The following AKAP13 variants were observed in gnomAD, a reference collection of about 807,000 sequenced individuals.
AKAP13 encodes the protein A-kinase anchoring protein 13, also known as A-kinase anchor protein 13.
AKAP13 carries 80 observed loss-of-function variants against 264.5 expected under a neutral mutation model. That is an observed-to-expected ratio of 0.30 (90% CI 0.25 to 0.36). The LOEUF (loss-of-function observed/expected upper bound fraction) is 0.36, where lower values mean the gene tolerates loss of function less well. Ranked by LOEUF, AKAP13 falls within the 10% of genes least tolerant of loss-of-function variation. The probability of loss-of-function intolerance (pLI) is 1.00; values close to 1 mark genes in which losing one functional copy is unlikely to be tolerated. For missense variants in AKAP13, 3,712 were observed against 3,435.2 expected (o/e 1.08, Z -2.01); for synonymous variants, 1,380 against 1,250.2 (o/e 1.10, Z -2.19).
chr15:85,468,120 T>C lies in AKAP13; in HGVS notation c.-11-17590T>C, dbSNP rs149159953. 1.2e-4 allele frequency among the ~76,000 whole-genome samples: 18 copies of C among 152,340 alleles called. No individual in the cohort carries two copies. The East Asian group carries it at 3.3e-3, about 28-fold the overall frequency. On this transcript the variant is annotated intron_variant, in intron 1 of 36. Coordinates refer to ENST00000394518, the MANE Select transcript of AKAP13 (RefSeq NM_007200.5). The stretch of plus-strand genomic sequence containing the variant: ...AGACTATGTTGGAAAAGCATTCTTA[T>C]ATTTCTCAGGGTAAAGGAACTTTTG...
intron 25 of AKAP13, 116 bp downstream of exon 25, chr15:85,722,463 C>G (rs1164388143): frequency 1.2e-6 from 1 of 851,068 alleles, no homozygotes; most frequent in South Asian, 2.4e-5. Flanking sequence ...TAAAAGAGAC[C>G]TTGTGTTTTA....
intron 2 of AKAP13, among the ~76,000 whole-genome samples, chr15:85,511,882 T>C (rs1360190778): frequency 6.6e-6 from 1 of 152,184 alleles, no homozygotes; most frequent in Non-Finnish European, 1.5e-5. Flanking sequence ...ACTTTTAACT[T>C]TCTCACATTG....
chr15:85,479,628 A>C (rs774751574), intron 1 of AKAP13, among the ~76,000 whole-genome samples: 1 of 152,028 alleles, frequency 6.6e-6, no homozygotes, highest in Non-Finnish European at 1.5e-5. Flanking sequence ...AGTGACAAAA[A>C]CCCTGTCAAT....
At chr15:85,437,201 A>G (rs1422823674) in intron 1 of AKAP13, among the ~76,000 whole-genome samples, 1 of 149,126 alleles carries the variant, frequency 6.7e-6, no homozygotes, top group Non-Finnish European at 1.5e-5. Context: ...CCTCTACGCA[A>G]ATAAACTAGA....
At chr15:85,410,558 A>G (rs1031989797) in intron 1 of AKAP13, among the ~76,000 whole-genome samples, 2 of 151,512 alleles carry the variant, frequency 1.3e-5, no homozygotes, top group African/African-American at 4.9e-5. Context: ...GGTCATTAGT[A>G]TATTGGCAGT....
At chr15:85,419,254 C>T (rs1203257911) in intron 1 of AKAP13, among the ~76,000 whole-genome samples, 1 of 152,188 alleles carries the variant, frequency 6.6e-6, no homozygotes. Flanking sequence ...ATGCGTGGTT[C>T]TGAGAGATTT....
intron 8 of AKAP13, chr15:85,635,174 T>C: frequency 2.5e-6 from 1 of 398,070 alleles, no homozygotes; most frequent in Non-Finnish European, 4.4e-6. Context: ...CTATTTTGCT[T>C]TCTTTCAGCA....
intron 8 of AKAP13, among the ~76,000 whole-genome samples, chr15:85,618,453 T>TG (rs2081036758): frequency 4.9e-5 from 1 of 20,258 alleles, no homozygotes; most frequent in Admixed American, 4.7e-4. Context: ...AGAGAAATCC[T>TG]TTTTTTTTTT....
intron 2 of AKAP13, among the ~76,000 whole-genome samples, chr15:85,489,261 CTGAG>C (rs2151067009): frequency 6.6e-6 from 1 of 152,296 alleles, no homozygotes; most frequent in South Asian, 2.1e-4. Flanking sequence ...CAGCTCAGTT[CTGAG>C]TAACATAGTT....
intron 5 of AKAP13, among the ~76,000 whole-genome samples, chr15:85,550,768 C>A (rs529863381): frequency 2.6e-5 from 4 of 152,162 alleles, no homozygotes; most frequent in Non-Finnish European, 4.4e-5. Flanking sequence ...TGGCCAAATT[C>A]CCATTCATCA....
At chr15:85,411,651 G>T (rs571082268) in intron 1 of AKAP13, among the ~76,000 whole-genome samples, 2 of 152,204 alleles carry the variant, frequency 1.3e-5, no homozygotes, top group East Asian at 3.9e-4. Context: ...GTTACCCAGG[G>T]TGGTCTCGAT....
chr15:85,705,798 C>G (rs1341104149), intron 17 of AKAP13, among the ~76,000 whole-genome samples: 1 of 136,168 alleles, frequency 7.3e-6, no homozygotes, highest in Admixed American at 7.1e-5. Context: ...TTCCCTGCCC[C>G]ATGCATCTTC....
chr15:85,383,217 C>A (rs1179802514), intron 1 of AKAP13, among the ~76,000 whole-genome samples: 1 of 151,924 alleles, frequency 6.6e-6, no homozygotes, highest in Non-Finnish European at 1.5e-5. Context: ...AATTGTTGGA[C>A]AAATCTAGTC....
chr15:85,714,678 C>A (rs1400671143), intron 19 of AKAP13, among the ~76,000 whole-genome samples: 1 of 152,132 alleles, frequency 6.6e-6, no homozygotes, highest in Non-Finnish European at 1.5e-5. Flanking sequence ...AAAATTCTTT[C>A]AATCTTGGGG....
chr15:85,741,026 C>A lies in AKAP13; in HGVS notation c.7609-20C>A, dbSNP rs201661130. 3.8e-6 allele frequency: 6 copies of A among 1,587,400 alleles called. No individual in the cohort carries two copies. The African/African-American group carries it at 4.0e-5, about 11-fold the overall frequency. On this transcript the variant is annotated intron_variant, in intron 34 of 36. Transcript: ENST00000394518. The stretch of plus-strand genomic sequence containing the variant: ...TCGTCCTGGCCAGAGTTGCAGGGCT[C>A]CCCTCTGTGTGCCTCCCAGGGTGTG...
chr15:85,708,172 G>T lies in AKAP13; in HGVS notation c.5532+86G>T. The T allele has an allele frequency of 7.8e-7, 1 of 1,283,890 alleles. No individual in the cohort carries two copies. The allele number at this position is 1,283,890 out of a possible 1,614,324, so 79.5% of individuals were successfully genotyped here. On this transcript the variant is annotated intron_variant, in intron 18 of 36. Coordinates refer to ENST00000394518, the MANE Select transcript of AKAP13 (RefSeq NM_007200.5). The surrounding 1 kb of genome is among the most constrained non-coding windows in gnomAD (Gnocchi z 4.3). ...GGGAGTTGGGAGAGTTGAGGTTGTGGTGGATTTTGTTTATTTTAATCATTT... is the reference window on the plus strand; with the variant it reads ...GGGAGTTGGGAGAGTTGAGGTTGTGTTGGATTTTGTTTATTTTAATCATTT...
chr15:85,437,347 G>C (rs1425887380), intron 1 of AKAP13, among the ~76,000 whole-genome samples: 1 of 152,120 alleles, frequency 6.6e-6, no homozygotes, highest in African/African-American at 2.4e-5. Context: ...CAACCAAAAA[G>C]AGTCCAGGAC....
chr15:85,652,030 A>G (rs1052172497), intron 10 of AKAP13, among the ~76,000 whole-genome samples: 4 of 152,240 alleles, frequency 2.6e-5, no homozygotes, highest in African/African-American at 9.6e-5. Flanking sequence ...CAGTAAAAAT[A>G]ATGAGTATAA....
chr15:85,571,380 C>G (rs1298227520), intron 5 of AKAP13, among the ~76,000 whole-genome samples: 4 of 151,728 alleles, frequency 2.6e-5, no homozygotes, highest in African/African-American at 9.7e-5. Flanking sequence ...TAGATCTGTT[C>G]TTTAATTTAC....
Sources: allele counts gnomAD v4.1 joint callset (sites outside exome capture counted in the v4.1 genomes callset), GRCh38; gene constraint gnomAD v4.1.1; non-coding constraint Gnocchi (gnomAD v3.1); transcripts MANE v1.5; gene names NCBI Gene and HGNC (gene_info 2026-07-23, HGNC 2026-07-21).